The following LIMCH1 variants were observed in gnomAD, a reference collection of about 807,000 sequenced individuals.
LIMCH1 encodes LIM and calponin homology domains-containing protein 1.
In LIMCH1, 113 loss-of-function variants were observed where a neutral mutation model predicts 176.5. The observed-to-expected ratio is 0.64, with a 90% CI of 0.55 to 0.75. LIMCH1 has a LOEUF of 0.75. Among genes scored for constraint, LIMCH1 ranks in the 30% least tolerant of loss-of-function variants. The pLI, the probability that LIMCH1 is intolerant of heterozygous loss-of-function variation, is 0.00. For missense variants in LIMCH1, 1,674 were observed against 1,814.9 expected (o/e 0.92, Z 1.41); for synonymous variants, 619 against 645.9 (o/e 0.96, Z 0.63).
At chr4:41,696,209 A>G (rs1730528617) in intron 31 of LIMCH1, among the ~76,000 whole-genome samples, 1 of 152,222 alleles carries the variant, frequency 6.6e-6, no homozygotes, top group South Asian at 2.1e-4. Context: ...TGTAAATGGA[A>G]ATGGACGTGC....
intron 1 of LIMCH1, among the ~76,000 whole-genome samples, chr4:41,448,932 A>G (rs1324307394): frequency 2.0e-5 from 3 of 152,144 alleles, no homozygotes; most frequent in Non-Finnish European, 1.5e-5. Flanking sequence ...GGCTTTAAAA[A>G]AAGAAAATAA....
At chr4:41,611,056 T>C (rs1318616795) in intron 4 of LIMCH1, among the ~76,000 whole-genome samples, 1 of 152,262 alleles carries the variant, frequency 6.6e-6, no homozygotes, top group East Asian at 1.9e-4. Context: ...TGCAGATATT[T>C]CCAAATCCAA....
At chr4:41,372,962 G>A (rs898121876) in intron 1 of LIMCH1, among the ~76,000 whole-genome samples, 13 of 152,282 alleles carry the variant, frequency 8.5e-5, no homozygotes, top group Non-Finnish European at 1.5e-4. Context: ...ATTTGTCTCC[G>A]TTTGGGACAT....
At chr4:41,539,317 C>T (rs1004133304) in intron 1 of LIMCH1, among the ~76,000 whole-genome samples, 58 of 152,244 alleles carry the variant, frequency 3.8e-4, no homozygotes, top group Non-Finnish European at 1.3e-4. Flanking sequence ...TCAGCAGTCC[C>T]GGGAGAAGGG....
chr4:41,608,026 G>A (rs2090960095), intron 4 of LIMCH1, among the ~76,000 whole-genome samples: 1 of 152,196 alleles, frequency 6.6e-6, no homozygotes, highest in African/African-American at 2.4e-5. Flanking sequence ...GATAAAATAA[G>A]ACAACAATTT....
At chr4:41,551,114 C>T (rs1157337421) in intron 1 of LIMCH1, 3 of 152,118 alleles carry the variant, frequency 2.0e-5, no homozygotes, top group Non-Finnish European at 2.9e-5. Flanking sequence ...ATCTTTCTTC[C>T]TCCATGATAG....
At chr4:41,378,289 G>A (rs1182340339) in intron 1 of LIMCH1, among the ~76,000 whole-genome samples, 1 of 152,216 alleles carries the variant, frequency 6.6e-6, no homozygotes, top group African/African-American at 2.4e-5. Flanking sequence ...CTCAGAGTCA[G>A]CCTGAATCGC....
At chr4:41,581,169 T>C (rs1485148467) in intron 1 of LIMCH1, among the ~76,000 whole-genome samples, 1 of 151,268 alleles carries the variant, frequency 6.6e-6, no homozygotes, top group Non-Finnish European at 1.5e-5. Context: ...ATCTGTTTTC[T>C]AGCTTTATTG....
At chr4:41,682,672 C>CTTTTTTTTTTTTTTTTTT (rs1479823691) in intron 26 of LIMCH1, among the ~76,000 whole-genome samples, 7 of 139,916 alleles carry the variant, frequency 5.0e-5, no homozygotes, top group Non-Finnish European at 7.8e-5. Flanking sequence ...TTTTTTTCTT[C>CTTTTTTTTTTTTTTTTTT]TTCTTCTTTT....
At chr4:41,536,706 C>A (rs868300241), upstream of LIMCH1, among the ~76,000 whole-genome samples, 2 of 152,080 alleles carry the variant, frequency 1.3e-5, no homozygotes, top group Admixed American at 6.5e-5. Flanking sequence ...ACAAAATACC[C>A]GACCAGTATT....
At chr4:41,689,707 T>A in intron 30 of LIMCH1, 72 bp downstream of exon 30, 1 of 946,330 alleles carries the variant, frequency 1.1e-6, no homozygotes, top group African/African-American at 1.6e-5. Context: ...TGCTGAAAAA[T>A]GCCTCTTGGA....
chr4:41,621,383 T>A (rs1254814871), intron 7 of LIMCH1, among the ~76,000 whole-genome samples: 1 of 152,186 alleles, frequency 6.6e-6, no homozygotes, highest in African/African-American at 2.4e-5. Context: ...CTGGTTAATT[T>A]TTCTTATAAA....
chr4:41,409,535 A>G (rs1279565741), intron 1 of LIMCH1, among the ~76,000 whole-genome samples: 1 of 152,234 alleles, frequency 6.6e-6, no homozygotes, highest in African/African-American at 2.4e-5. Context: ...TTTAAGAAAT[A>G]TGGACATCTT....
At chr4:41,638,901 C>T (rs1011753488) in intron 13 of LIMCH1, 31 bp from the exon 14 acceptor site, 4 of 1,598,236 alleles carry the variant, frequency 2.5e-6, no homozygotes, top group Admixed American at 1.7e-5. Context: ...TCAACTCTGC[C>T]AGTCCTCTAA....
intron 21 of LIMCH1, among the ~76,000 whole-genome samples, chr4:41,667,912 A>G (rs898365017): frequency 3.3e-5 from 5 of 151,926 alleles, no homozygotes; most frequent in African/African-American, 1.2e-4. Context: ...CAGGAGGAGC[A>G]CTTGAGGCCA....
intron 1 of LIMCH1, among the ~76,000 whole-genome samples, chr4:41,402,999 G>T (rs1368423030): frequency 7.2e-6 from 1 of 138,770 alleles, no homozygotes; most frequent in African/African-American, 2.9e-5. Flanking sequence ...GAAAAAAAAA[G>T]ACCTATCCAA....
intron 1 of LIMCH1, among the ~76,000 whole-genome samples, chr4:41,362,375 G>A (rs1427412790): frequency 1.3e-5 from 2 of 152,194 alleles, no homozygotes; most frequent in African/African-American, 2.4e-5. Context: ...ACGGTTTGGC[G>A]TGTGACAGGT....
chr4:41,626,611 G>A, intron 7 of LIMCH1, 97 bp from the exon 8 acceptor site: 1 of 965,632 alleles, frequency 1.0e-6, no homozygotes, highest in East Asian at 2.6e-5. Context: ...ATATCGAGAA[G>A]ACTTTTCACT....
intron 1 of LIMCH1, among the ~76,000 whole-genome samples, chr4:41,379,735 C>T (rs111229098): frequency 0.025 from 3,730 of 152,192 alleles, 136 homozygotes; most frequent in African/African-American, 0.082. Context: ...TAAATGATGA[C>T]GGTAAGATAT....
Sources: allele counts gnomAD v4.1 joint callset (sites outside exome capture counted in the v4.1 genomes callset), GRCh38; gene constraint gnomAD v4.1.1; transcripts MANE v1.5; gene names NCBI Gene and HGNC (gene_info 2026-07-23, HGNC 2026-07-21).